The following PTPRE variants were observed in gnomAD, a reference collection of about 807,000 sequenced individuals.
PTPRE encodes the protein protein tyrosine phosphatase receptor type E.
A neutral mutation model predicts 102.0 loss-of-function variants in PTPRE; 51 were observed. The ratio of observed to expected loss-of-function variants is 0.50; its 90% CI spans 0.40 to 0.63. PTPRE has a LOEUF of 0.63. Among genes scored for constraint, PTPRE ranks in the 30% least tolerant of loss-of-function variants. PTPRE has a pLI of 0.00. For synonymous variants in PTPRE, 345 were observed against 348.2 expected (o/e 0.99, Z 0.10); for missense variants, 752 against 915.1 (o/e 0.82, Z 2.30).
At position 127,907,974 on chromosome 10, in the gene PTPRE, G is replaced by T. The variant is rs1845607291; in HGVS notation, c.-31+665G>T. 6.6e-6 allele frequency among the ~76,000 whole-genome samples: 1 copy of T among 152,188 alleles called. No homozygotes were observed. Among genetic ancestry groups the T allele is most frequent in the Non-Finnish European group, 1.5e-5 (1 of 68,030 alleles). On this transcript the variant is annotated intron_variant, in intron 1 of 20. Coordinates refer to ENST00000254667, the MANE Select transcript of PTPRE (RefSeq NM_006504.6). This position sits in a 1 kb window ranked among gnomAD's most constrained non-coding sequence, Gnocchi z 4.8. Reference sequence around the variant, plus strand: ...GCTCCTGAGCACAGATGCGAGCGCGGTGCCAATTCTGAGAGCTCCCGGGAC... The same window carrying T: ...GCTCCTGAGCACAGATGCGAGCGCGTTGCCAATTCTGAGAGCTCCCGGGAC...
At chr10:128,001,713 G>A (rs1429602451) in intron 2 of PTPRE, among the ~76,000 whole-genome samples, 2 of 152,186 alleles carry the variant, frequency 1.3e-5, no homozygotes, top group Admixed American at 6.5e-5. Context: ...GGTCTGCCAT[G>A]GGATGATGAC....
intron 9 of PTPRE, among the ~76,000 whole-genome samples, chr10:128,062,617 T>C (rs1184660787): frequency 6.6e-6 from 1 of 152,200 alleles, no homozygotes; most frequent in Non-Finnish European, 1.5e-5. Flanking sequence ...GACTTTCTCC[T>C]AGTGACACTT....
chr10:128,067,593 C>A (rs1590212955), intron 11 of PTPRE, among the ~76,000 whole-genome samples: 1 of 152,386 alleles, frequency 6.6e-6, no homozygotes, highest in Admixed American at 6.5e-5. Flanking sequence ...CTGTGTATCA[C>A]CTTCCGTGAT....
At chr10:128,003,761 T>C (rs1404779965) in intron 2 of PTPRE, among the ~76,000 whole-genome samples, 2 of 152,210 alleles carry the variant, frequency 1.3e-5, no homozygotes, top group East Asian at 3.8e-4. Flanking sequence ...ATGCTCACCA[T>C]GTAATTTAGC....
intron 2 of PTPRE, among the ~76,000 whole-genome samples, chr10:128,032,334 G>T (rs1371840701): frequency 6.6e-6 from 1 of 152,136 alleles, no homozygotes; most frequent in African/African-American, 2.4e-5. Context: ...AACTTTTAAT[G>T]TTGAAATGAT....
At chr10:127,908,884 A>G (rs1448294745) in intron 1 of PTPRE, among the ~76,000 whole-genome samples, 2 of 152,240 alleles carry the variant, frequency 1.3e-5, no homozygotes, top group Non-Finnish European at 1.5e-5. Flanking sequence ...GTAAAAGGTC[A>G]GGTCACTGGA....
chr10:127,988,727 C>T (rs1171061703), intron 2 of PTPRE, among the ~76,000 whole-genome samples: 1 of 152,176 alleles, frequency 6.6e-6, no homozygotes, highest in African/African-American at 2.4e-5. Context: ...CTATTGGGTA[C>T]TATGTTCACT....
intron 3 of PTPRE, among the ~76,000 whole-genome samples, chr10:128,044,054 G>C (rs1281063232): frequency 6.6e-6 from 1 of 152,172 alleles, no homozygotes; most frequent in African/African-American, 2.4e-5. Context: ...GAGAGGAGTA[G>C]TATGGTCTAT....
chr10:127,937,229 T>A (rs1263620428), intron 1 of PTPRE, among the ~76,000 whole-genome samples: 2 of 152,180 alleles, frequency 1.3e-5, no homozygotes, highest in African/African-American at 2.4e-5. Flanking sequence ...TTTTTATAAA[T>A]CTGCATCTCT....
intron 19 of PTPRE, among the ~76,000 whole-genome samples, chr10:128,078,483 G>A (rs1478080881): frequency 6.6e-6 from 1 of 152,256 alleles, no homozygotes; most frequent in East Asian, 1.9e-4. Context: ...GTTCTTCCAA[G>A]CAGGAGCTTG....
chr10:128,035,636 T>TA (rs1381177430), intron 2 of PTPRE, among the ~76,000 whole-genome samples: 1 of 152,154 alleles, frequency 6.6e-6, no homozygotes, highest in Non-Finnish European at 1.5e-5. Flanking sequence ...TTTGACCAGG[T>TA]AGGTGATGGG....
intron 2 of PTPRE, among the ~76,000 whole-genome samples, chr10:128,009,144 G>C (rs1844764158): frequency 6.6e-6 from 1 of 152,192 alleles, no homozygotes; most frequent in South Asian, 2.1e-4. Context: ...GGGTCTCACT[G>C]TCCAGCAGCC....
intron 7 of PTPRE, among the ~76,000 whole-genome samples, chr10:128,060,547 C>T (rs1046081025): frequency 6.6e-6 from 1 of 152,172 alleles, no homozygotes; most frequent in Non-Finnish European, 1.5e-5. Context: ...TTTAAGTGCA[C>T]CCACACTTGG....
At chr10:127,982,133 T>A in intron 1 of PTPRE, 141 bp from the exon 2 acceptor site, 1 of 370,770 alleles carries the variant, frequency 2.7e-6, no homozygotes, top group Non-Finnish European at 4.9e-6. Flanking sequence ...ATCATCTAGA[T>A]AAAGAGGTCT....
chr10:128,016,937 G>T (rs954065235), intron 2 of PTPRE, among the ~76,000 whole-genome samples: 1 of 152,340 alleles, frequency 6.6e-6, no homozygotes, highest in African/African-American at 2.4e-5. Flanking sequence ...CAGGGGTCCT[G>T]TGAGGTCCCT....
intron 1 of PTPRE, among the ~76,000 whole-genome samples, chr10:127,939,240 A>T (rs944965298): frequency 5.3e-5 from 8 of 152,210 alleles, no homozygotes; most frequent in Admixed American, 5.2e-4. Flanking sequence ...TCTTACTAAT[A>T]AAAGGGAATC....
rs183324751 is a variant in PTPRE at position 128,070,157 on chromosome 10, G to A, written c.1144-144G>A. Reference sequence around the variant, plus strand: ...GCATAAATGGTCGTTATCCGTGGCCGGTACTCTGACTCTTGCCTCACACCT... The same window carrying A: ...GCATAAATGGTCGTTATCCGTGGCCAGTACTCTGACTCTTGCCTCACACCT... On this transcript the variant is annotated intron_variant, in intron 13 of 20. Transcript: ENST00000254667. This position sits in a 1 kb window ranked among gnomAD's most constrained non-coding sequence, Gnocchi z 4.8. The A allele has an allele frequency of 5.5e-5, 53 of 971,196 alleles. No homozygotes were observed. The highest frequency in any genetic ancestry group is 6.8e-5 in the Non-Finnish European group (45 of 663,008). The allele number at this position is 971,196 out of a possible 1,614,324, so 60.2% of individuals were successfully genotyped here.
chr10:128,043,855 C>G (rs953264516), intron 3 of PTPRE, among the ~76,000 whole-genome samples: 10 of 152,204 alleles, frequency 6.6e-5, no homozygotes, highest in African/African-American at 1.2e-4. Flanking sequence ...ACAGCCGTAC[C>G]AGAAAAGCAA....
chr10:128,003,780 G>T (rs1452686167), intron 2 of PTPRE, among the ~76,000 whole-genome samples: 2 of 152,088 alleles, frequency 1.3e-5, no homozygotes, highest in Non-Finnish European at 2.9e-5. Flanking sequence ...GCACAATGGG[G>T]CCCGCAGACT....
Sources: gnomAD v4.1 joint callset for allele counts (sites outside exome capture counted in the v4.1 genomes callset) on GRCh38, gnomAD v4.1.1 for gene constraint, Gnocchi (gnomAD v3.1) non-coding constraint, MANE v1.5 for transcripts, NCBI Gene and HGNC (gene_info 2026-07-23, HGNC 2026-07-21) for gene names.